The following PHACTR1 variants were observed in gnomAD, a reference collection of about 807,000 sequenced individuals.
PHACTR1 encodes phosphatase and actin regulator 1.
A neutral mutation model predicts 69.2 loss-of-function variants in PHACTR1; 16 were observed. The ratio of observed to expected loss-of-function variants is 0.23; its 90% CI spans 0.16 to 0.35. PHACTR1 has a LOEUF of 0.35. Among genes scored for constraint, PHACTR1 ranks in the 10% least tolerant of loss-of-function variants. The probability of loss-of-function intolerance (pLI) is 1.00; values close to 1 mark genes in which losing one functional copy is unlikely to be tolerated. For synonymous variants in PHACTR1, 312 were observed against 284.5 expected (o/e 1.10, Z -0.97); for missense variants, 510 against 734.7 (o/e 0.69, Z 3.54).
chr6:12,807,898 C>T (rs1041079845), intron 4 of PHACTR1, among the ~76,000 whole-genome samples: 2 of 152,266 alleles, frequency 1.3e-5, no homozygotes, highest in African/African-American at 2.4e-5. Context: ...CGTAAAATGT[C>T]GTTGCCCAAT....
In PHACTR1 at chr6:12,771,630, G is replaced by A. The variant is rs1332045223; in HGVS notation, c.250+21840G>A. On this transcript the variant is annotated intron_variant, in intron 4 of 14. Coordinates refer to ENST00000332995, the MANE Select transcript of PHACTR1 (RefSeq NM_030948.6). ...GGACCAGCTCAAGTTCCCACACCAG[G>A]GTCTGCCATATACAGTCAGGCTATT... 3.3e-5 allele frequency among the ~76,000 whole-genome samples: 5 copies of A among 152,132 alleles called. No individual in the cohort carries two copies. In the East Asian group the frequency reaches 7.7e-4, roughly 23 times the overall value.
rs1765850787 is a variant in PHACTR1 at position 13,205,997 on chromosome 6, A to G, written c.847A>G (p.Ile283Val). Residue 283 changes from isoleucine to valine, a missense_variant, in exon 8 of 15, where the codon ATC becomes GTC. Ile to Val is a conservative substitution (Grantham distance 29). This residue lies in a region of PHACTR1 where 419 missense variants were observed against 530.9 expected (regional missense o/e 0.79). Coordinates refer to ENST00000332995, the MANE Select transcript of PHACTR1 (RefSeq NM_030948.6). ...QHHHTVLPSQ[I>V]QHQLQYGSHG... ...CCACCACACTGTCCTGCCCTCCCAG[A>G]TCCAGCACCAGCTGCAGTACGGCAG... is the stretch of plus-strand genomic sequence containing the variant. 1 of 1,613,856 alleles carries G rather than the reference A, an allele frequency of 6.2e-7. No homozygotes were observed. The highest frequency in any genetic ancestry group is 1.3e-5 in the African/African-American group (1 of 74,926).
At position 13,283,638 on chromosome 6, in the gene PHACTR1, G is replaced by A. The variant is rs751837894; in HGVS notation, c.1650+76G>A. 1.2e-5 allele frequency: 19 copies of A among 1,603,210 alleles called. No homozygotes were observed. The highest frequency in any genetic ancestry group is 6.7e-5 in the East Asian group (3 of 44,824). On this transcript the variant is annotated intron_variant, in intron 13 of 14. Transcript: ENST00000332995. The surrounding 1 kb of genome is among the most constrained non-coding windows in gnomAD (Gnocchi z 4.7). ...CTCGCTGGGCTCACCGCTGGGGAGC[G>A]TGTAGGGAGACCTGCAGCCAGGCCT...
At chr6:12,823,570 C>A (rs1776445975) in intron 4 of PHACTR1, among the ~76,000 whole-genome samples, 1 of 152,164 alleles carries the variant, frequency 6.6e-6, no homozygotes, top group Non-Finnish European at 1.5e-5. Context: ...ATTTTCATAG[C>A]AATTGGAGAT....
intron 4 of PHACTR1, among the ~76,000 whole-genome samples, chr6:12,942,864 T>C (rs994766190): frequency 6.6e-6 from 1 of 152,172 alleles, no homozygotes; most frequent in Non-Finnish European, 1.5e-5. Flanking sequence ...TCCATAGCTC[T>C]TTCACCCAGG....
intron 4 of PHACTR1, chr6:12,957,385 G>T (rs1265276556): frequency 1.0e-6 from 1 of 985,402 alleles, no homozygotes; most frequent in Non-Finnish European, 1.2e-6. Context: ...GATTGGGGAC[G>T]GCCGAGGCAG....
chr6:13,287,390 G>T lies in PHACTR1; in HGVS notation c.*312G>T. ...GGTGGAACGGTCCTTGTCCTCTCCA[G>T]CCAGGCCCAGCAGGCACTACCTTCA... On this transcript the variant is annotated 3_prime_UTR_variant, in exon 15 of 15. Transcript: ENST00000332995. 2 of 398,570 alleles carry T rather than the reference G, an allele frequency of 5.0e-6. No homozygotes were observed. The highest frequency in any genetic ancestry group is 9.0e-6 in the Non-Finnish European group (2 of 221,234). 24.7% of individuals were successfully genotyped at this position (398,570 alleles called of 1,614,324 possible). A position where few individuals can be genotyped will look rare whatever the true frequency, so the allele number is the denominator to read the frequency against.
intron 5 of PHACTR1, among the ~76,000 whole-genome samples, chr6:13,132,558 G>A (rs1332523955): frequency 6.6e-6 from 1 of 152,136 alleles, no homozygotes; most frequent in Non-Finnish European, 1.5e-5. Context: ...CTGAGATGTT[G>A]CAGGCTTGGT....
Position 13,094,122 on chromosome 6 carries a change from C to A in PHACTR1, c.415+40593C>A, listed in dbSNP as rs188898505. ...TCCTGGGCTCAAGGGCTCAAGCAGT[C>A]CTCCCGCCTCAGCCTCCCAAAGTGC... On this transcript the variant is annotated intron_variant, in intron 5 of 14. Coordinates refer to ENST00000332995, the MANE Select transcript of PHACTR1 (RefSeq NM_030948.6). 1.6e-3 allele frequency among the ~76,000 whole-genome samples: 237 copies of A among 152,180 alleles called. 1 individual carries two copies. Among genetic ancestry groups the A allele is most frequent in the African/African-American group, 5.3e-3 (218 of 41,500 alleles).
At chr6:12,888,072 C>CAA (rs33925347) in intron 4 of PHACTR1, among the ~76,000 whole-genome samples, 37,149 of 71,932 alleles carry the variant, frequency 0.52, 12,251 homozygotes, top group East Asian at 0.89. Context: ...GACTCCATCT[C>CAA]AAAAAAAAAA....
At chr6:13,151,788 G>A (rs540385244) in intron 5 of PHACTR1, among the ~76,000 whole-genome samples, 6 of 152,230 alleles carry the variant, frequency 3.9e-5, no homozygotes, top group East Asian at 3.9e-4. Flanking sequence ...GGGGAGAGGC[G>A]GGGAAAAAGA....
intron 14 of PHACTR1, 60 bp from the exon 15 acceptor site, chr6:13,287,003 C>A: frequency 6.4e-7 from 1 of 1,572,274 alleles, no homozygotes; most frequent in Non-Finnish European, 8.7e-7. Context: ...GGAGATTGGA[C>A]TGTTGAATCC....
chr6:12,981,779 T>C (rs1049221157), intron 4 of PHACTR1, among the ~76,000 whole-genome samples: 1 of 152,236 alleles, frequency 6.6e-6, no homozygotes, highest in Non-Finnish European at 1.5e-5. Context: ...GGGCAGTTTG[T>C]AGTAGGTAGC....
chr6:12,889,085 C>A (rs968597779), intron 4 of PHACTR1, among the ~76,000 whole-genome samples: 1 of 151,974 alleles, frequency 6.6e-6, no homozygotes, highest in Non-Finnish European at 1.5e-5. Context: ...CCAGTCTGGG[C>A]AACATAATGA....
chr6:12,819,862 C>T (rs552391049), intron 4 of PHACTR1, among the ~76,000 whole-genome samples: 1 of 152,260 alleles, frequency 6.6e-6, no homozygotes, highest in African/African-American at 2.4e-5. Flanking sequence ...GTTCAGTAAC[C>T]ATCCTCATTC....
chr6:12,725,952 G>T (rs914557232), intron 3 of PHACTR1, among the ~76,000 whole-genome samples: 3 of 152,100 alleles, frequency 2.0e-5, no homozygotes, highest in Non-Finnish European at 2.9e-5. Context: ...CCAGGAAAGG[G>T]TGTGATTATT....
At chr6:12,877,964 G>T (rs150484837) in intron 4 of PHACTR1, among the ~76,000 whole-genome samples, 220 of 152,308 alleles carry the variant, frequency 1.4e-3, no homozygotes, top group Non-Finnish European at 2.7e-3. Context: ...CAGTGGGGAA[G>T]ATCAAATGAT....
At chr6:12,868,707 C>T (rs115047351) in intron 4 of PHACTR1, among the ~76,000 whole-genome samples, 2,141 of 152,194 alleles carry the variant, frequency 0.014, 48 homozygotes, top group African/African-American at 0.049. Flanking sequence ...AAGCATATGT[C>T]CTGGCCTTTC....
intron 6 of PHACTR1, among the ~76,000 whole-genome samples, chr6:13,162,544 C>A (rs1262281529): frequency 6.6e-6 from 1 of 152,032 alleles, no homozygotes; most frequent in African/African-American, 2.4e-5. Flanking sequence ...TAATAAGCAC[C>A]CGAGTGCTTA....
Sources: gnomAD v4.1 joint callset for allele counts (sites outside exome capture counted in the v4.1 genomes callset) on GRCh38, gnomAD v4.1.1 for gene constraint, gnomAD v4.1.1 regional missense constraint, Gnocchi (gnomAD v3.1) non-coding constraint, MANE v1.5 for transcripts, NCBI Gene and HGNC (gene_info 2026-07-23, HGNC 2026-07-21) for gene names.